The following JDP2 variants were observed in gnomAD, a reference collection of about 807,000 sequenced individuals.
The protein encoded by JDP2 is Jun dimerization protein 2.
In JDP2, 9 loss-of-function variants were observed where a neutral mutation model predicts 17.1. The observed-to-expected ratio is 0.53, with a 90% CI of 0.32 to 0.92. JDP2 has a LOEUF of 0.92. JDP2 is among the 40% of genes least tolerant of loss of function. The pLI, the probability that JDP2 is intolerant of heterozygous loss-of-function variation, is 0.04. For missense variants in JDP2, 179 were observed against 220.0 expected (o/e 0.81, Z 1.18); for synonymous variants, 107 against 95.6 (o/e 1.12, Z -0.69).
intron 2 of JDP2, among the ~76,000 whole-genome samples, chr14:75,446,480 G>C (rs1885606013): frequency 1.3e-5 from 2 of 152,206 alleles, no homozygotes; most frequent in Admixed American, 1.3e-4. Context: ...CCATAAAAAG[G>C]AATGAAGAAC....
chr14:75,440,955 G>T (rs111974809), intron 2 of JDP2, among the ~76,000 whole-genome samples: 1 of 152,208 alleles, frequency 6.6e-6, no homozygotes, highest in Non-Finnish European at 1.5e-5. Flanking sequence ...ACCACATGCC[G>T]TGTGGCCTCC....
At chr14:75,456,684 C>T (rs964531097) in intron 2 of JDP2, among the ~76,000 whole-genome samples, 4 of 152,204 alleles carry the variant, frequency 2.6e-5, no homozygotes, top group Admixed American at 6.5e-5. Flanking sequence ...CTTCACAGCC[C>T]GATCTTCCTG....
upstream of JDP2, chr14:75,427,101 T>C (rs1368277588): frequency 6.6e-6 from 1 of 152,238 alleles, no homozygotes; most frequent in African/African-American, 2.4e-5. This position sits in a 1 kb window ranked among gnomAD's most constrained non-coding sequence, Gnocchi z 4.4. Flanking sequence ...CCCTCTGGAG[T>C]CCCCTTCACC....
intron 3 of JDP2, among the ~76,000 whole-genome samples, chr14:75,468,849 G>A (rs893437252): frequency 8.5e-5 from 13 of 152,220 alleles, no homozygotes; most frequent in South Asian, 2.1e-4. Flanking sequence ...GCACGTTGCC[G>A]TTACACTGCC....
At chr14:75,450,656 G>A (rs914070076) in intron 2 of JDP2, among the ~76,000 whole-genome samples, 1 of 152,190 alleles carries the variant, frequency 6.6e-6, no homozygotes, top group Non-Finnish European at 1.5e-5. Context: ...TGCTGTTGGG[G>A]GCAGCTGAAG....
chr14:75,427,545 G>C (rs1193858673), upstream of JDP2: 2 of 152,726 alleles, frequency 1.3e-5, no homozygotes, highest in Non-Finnish European at 2.9e-5. The surrounding 1 kb of genome is among the most constrained non-coding windows in gnomAD (Gnocchi z 4.4). Flanking sequence ...TGGGGGAAGC[G>C]CCGGGACTGA....
At chr14:75,440,686 G>T (rs1446976147) in intron 2 of JDP2, among the ~76,000 whole-genome samples, 2 of 152,208 alleles carry the variant, frequency 1.3e-5, no homozygotes, top group African/African-American at 4.8e-5. Flanking sequence ...CTGCTGGGAA[G>T]TGATAGCGCT....
chr14:75,465,877 A>G (rs1233416208), intron 3 of JDP2, among the ~76,000 whole-genome samples: 1 of 152,248 alleles, frequency 6.6e-6, no homozygotes, highest in Non-Finnish European at 1.5e-5. Flanking sequence ...CTGGGGCAAT[A>G]AATATCTAAC....
At chr14:75,467,441 C>T (rs1292703040) in intron 3 of JDP2, among the ~76,000 whole-genome samples, 3 of 152,184 alleles carry the variant, frequency 2.0e-5, no homozygotes, top group African/African-American at 7.2e-5. Context: ...GGAAAGGCCA[C>T]AAGAGCCAGT....
rs1387839937 is a variant in JDP2 at position 75,430,783 on chromosome 14, C to T, written c.-24+2531C>T. On this transcript the variant is annotated intron_variant, in intron 1 of 3. Transcript: ENST00000651602. The surrounding 1 kb of genome is among the most constrained non-coding windows in gnomAD (Gnocchi z 4.5). ...CCATGTGCCTGTGTATGTGTGTGTG[C>T]GTGTGCATGTGTGTGCACATGCGTT... Among the ~76,000 whole-genome samples the T allele has an allele frequency of 2.0e-5, 3 of 151,860 alleles. No homozygotes were observed. Among genetic ancestry groups the T allele is most frequent in the Non-Finnish European group, 2.9e-5 (2 of 67,966 alleles).
chr14:75,452,300 A>G (rs1885901148), intron 2 of JDP2, among the ~76,000 whole-genome samples: 1 of 152,046 alleles, frequency 6.6e-6, no homozygotes, highest in Non-Finnish European at 1.5e-5. Context: ...CAGACACTCC[A>G]CCTCGCTGAG....
chr14:75,438,169 C>T (rs183641268), intron 2 of JDP2, 48 bp downstream of exon 2: 103 of 1,417,024 alleles, frequency 7.3e-5, no homozygotes, highest in Admixed American at 1.4e-4. Flanking sequence ...GGCCTTAAAC[C>T]CACCATGGGA....
intron 3 of JDP2, among the ~76,000 whole-genome samples, chr14:75,463,385 C>T (rs373558569): frequency 1.3e-5 from 2 of 152,330 alleles, no homozygotes; most frequent in East Asian, 3.9e-4. Flanking sequence ...TGTATTCATC[C>T]TTTGCTGATC....
intron 3 of JDP2, among the ~76,000 whole-genome samples, chr14:75,466,149 G>T (rs1234252744): frequency 6.6e-6 from 1 of 152,176 alleles, no homozygotes; most frequent in Non-Finnish European, 1.5e-5. Context: ...AAGGCAGTTA[G>T]TTACATTCTG....
chr14:75,429,475 C>T (rs2030731278), intron 1 of JDP2, among the ~76,000 whole-genome samples: 1 of 152,132 alleles, frequency 6.6e-6, no homozygotes, highest in African/African-American at 2.4e-5. Flanking sequence ...CATTTGTACC[C>T]AAACGTCCTT....
chr14:75,445,387 GCTA>G, intron 2 of JDP2: 7 of 985,430 alleles, frequency 7.1e-6, no homozygotes, highest in Non-Finnish European at 7.2e-6. Flanking sequence ...CTGCTCTGTG[GCTA>G]CAGGATCCCC....
At chr14:75,451,404 G>C (rs1885857108) in intron 2 of JDP2, among the ~76,000 whole-genome samples, 1 of 152,126 alleles carries the variant, frequency 6.6e-6, no homozygotes, top group Admixed American at 6.5e-5. Context: ...AAGAGGGACG[G>C]GGGTGTGGGG....
rs987931191 is a variant in JDP2, at chr14:75,428,928, G to T, written c.-24+676G>T. On this transcript the variant is annotated intron_variant, in intron 1 of 3. Coordinates refer to ENST00000651602, the MANE Select transcript of JDP2 (RefSeq NM_001135048.2). The surrounding 1 kb of genome is among the most constrained non-coding windows in gnomAD (Gnocchi z 5.6). ...CCAGGTTATATAAGGAGGCAAGCAG[G>T]CTCCTGTAGGTAACCAGCCTCTCCC... Among the ~76,000 whole-genome samples, 11 of 152,066 alleles carry T rather than the reference G, an allele frequency of 7.2e-5. No homozygotes were observed. Among genetic ancestry groups the T allele is most frequent in the African/African-American group, 2.7e-4 (11 of 41,396 alleles).
At chr14:75,440,273 T>C (rs1885280228) in intron 2 of JDP2, among the ~76,000 whole-genome samples, 1 of 152,128 alleles carries the variant, frequency 6.6e-6, no homozygotes, top group Admixed American at 6.5e-5. Context: ...AGCTGCGAGA[T>C]TGTACCGATG....
Sources: gnomAD v4.1 joint callset for allele counts (sites outside exome capture counted in the v4.1 genomes callset) on GRCh38, gnomAD v4.1.1 for gene constraint, Gnocchi (gnomAD v3.1) non-coding constraint, MANE v1.5 for transcripts, NCBI Gene and HGNC (gene_info 2026-07-23, HGNC 2026-07-21) for gene names.